The following YTHDC2 variants were observed in gnomAD, a reference collection of about 807,000 sequenced individuals.
The protein encoded by YTHDC2 is YTH N6-methyladenosine RNA binding protein C2, also known as 3'-5' RNA helicase YTHDC2.
In YTHDC2, 45 loss-of-function variants were observed where a neutral mutation model predicts 174.9. The ratio of observed to expected loss-of-function variants is 0.26; its 90% CI spans 0.20 to 0.33. The LOEUF is 0.33. Among genes scored for constraint, YTHDC2 ranks in the 10% least tolerant of loss-of-function variants. The probability of loss-of-function intolerance (pLI) is 1.00; values close to 1 mark genes in which losing one functional copy is unlikely to be tolerated. For synonymous variants in YTHDC2, 657 were observed against 574.5 expected, an observed-to-expected ratio of 1.14 and a Z score of -2.05; for missense variants, 1,650 against 1,723.7, an observed-to-expected ratio of 0.96 and a Z score of 0.76.
chr5:113,575,784 T>G (rs1044762391), intron 23 of YTHDC2, among the ~76,000 whole-genome samples: 1 of 152,148 alleles, frequency 6.6e-6, no homozygotes, highest in Non-Finnish European at 1.5e-5. Flanking sequence ...GGGGATGAAT[T>G]ACAGGAGTAA....
intron 21 of YTHDC2, 108 bp downstream of exon 21, chr5:113,566,127 A>G: frequency 8.0e-7 from 1 of 1,255,294 alleles, no homozygotes; most frequent in South Asian, 1.8e-5. Flanking sequence ...TTATGACATT[A>G]TCATGTTGTG....
chr5:113,546,224 G>A (rs1775878960), intron 10 of YTHDC2, among the ~76,000 whole-genome samples: 1 of 152,116 alleles, frequency 6.6e-6, no homozygotes, highest in South Asian at 2.1e-4. Flanking sequence ...TATTTATGAT[G>A]CATTTTAAGT....
chr5:113,535,547 G>A, intron 6 of YTHDC2, 95 bp from the exon 7 acceptor site: 4 of 1,185,620 alleles, frequency 3.4e-6, no homozygotes, highest in Non-Finnish European at 4.6e-6. Flanking sequence ...CATTTAATTT[G>A]AATTAGTGTA....
intron 7 of YTHDC2, among the ~76,000 whole-genome samples, chr5:113,537,361 C>CTTT (rs139190695): frequency 5.6e-5 from 7 of 124,490 alleles, no homozygotes; most frequent in East Asian, 2.2e-4. Flanking sequence ...GGCTCTCTCT[C>CTTT]TTTTTTTTTT....
At chr5:113,515,407 C>T (rs1422399294) in intron 2 of YTHDC2, 45 bp downstream of exon 2, 2 of 1,507,448 alleles carry the variant, frequency 1.3e-6, no homozygotes, top group Non-Finnish European at 9.1e-7. Flanking sequence ...AGATTATTTG[C>T]CCAAAAAAGG....
intron 17 of YTHDC2, among the ~76,000 whole-genome samples, chr5:113,560,877 A>G (rs1304508143): frequency 1.3e-5 from 2 of 152,188 alleles, no homozygotes; most frequent in African/African-American, 4.8e-5. Flanking sequence ...TCCTTCATGA[A>G]TCTCACTGTC....
intron 23 of YTHDC2, among the ~76,000 whole-genome samples, chr5:113,574,855 A>G (rs1410824241): frequency 1.3e-5 from 2 of 152,170 alleles, no homozygotes; most frequent in South Asian, 4.1e-4. Context: ...AACACTCCAC[A>G]CAGATCTGTG....
chr5:113,571,088 C>T (rs949550935), intron 23 of YTHDC2, among the ~76,000 whole-genome samples: 1 of 152,118 alleles, frequency 6.6e-6, no homozygotes, highest in African/African-American at 2.4e-5. Flanking sequence ...CCTGCTTTTG[C>T]CCATTCAGTA....
intron 8 of YTHDC2, among the ~76,000 whole-genome samples, chr5:113,540,329 T>C (rs1775364126): frequency 6.6e-6 from 1 of 152,206 alleles, no homozygotes; most frequent in African/African-American, 2.4e-5. Context: ...ATAAAAATAC[T>C]CTTAATTCTG....
intron 23 of YTHDC2, among the ~76,000 whole-genome samples, chr5:113,573,149 G>A (rs991291521): frequency 2.0e-5 from 3 of 152,138 alleles, no homozygotes; most frequent in African/African-American, 4.8e-5. Context: ...AGGAGCTCTT[G>A]CAAGGCAGGC....
intron 8 of YTHDC2, among the ~76,000 whole-genome samples, chr5:113,540,692 T>C (rs550252012): frequency 3.1e-4 from 47 of 152,298 alleles, no homozygotes; most frequent in African/African-American, 1.1e-3. Flanking sequence ...CCACCAGGTC[T>C]TTCCCTCAAC....
intron 12 of YTHDC2, among the ~76,000 whole-genome samples, chr5:113,549,375 TAGA>T (rs1776098918): frequency 6.6e-6 from 1 of 152,146 alleles, no homozygotes; most frequent in Non-Finnish European, 1.5e-5. Context: ...GGGCAACTGA[TAGA>T]AGATGTTAAT....
intron 23 of YTHDC2, among the ~76,000 whole-genome samples, chr5:113,568,465 T>C (rs1777499899): frequency 6.9e-6 from 1 of 144,926 alleles, no homozygotes; most frequent in Non-Finnish European, 1.6e-5. Context: ...GATCATGACA[T>C]CATGTATCTA....
At chr5:113,558,004 A>G (rs879449495) in intron 17 of YTHDC2, among the ~76,000 whole-genome samples, 2 of 152,210 alleles carry the variant, frequency 1.3e-5, no homozygotes, top group African/African-American at 4.8e-5. Context: ...TAAATTAAGC[A>G]ATTTTAATAC....
At chr5:113,516,977 A>G (rs1366071874) in intron 2 of YTHDC2, among the ~76,000 whole-genome samples, 2 of 152,194 alleles carry the variant, frequency 1.3e-5, no homozygotes, top group African/African-American at 4.8e-5. Context: ...AGGTAGGTAA[A>G]AATACTGCAC....
At chr5:113,588,909 G>A (rs1481372297) in intron 26 of YTHDC2, among the ~76,000 whole-genome samples, 2 of 152,034 alleles carry the variant, frequency 1.3e-5, no homozygotes, top group South Asian at 2.1e-4. Context: ...GCACGCGTGA[G>A]CCACCATGCC....
At chr5:113,558,747 C>A (rs1305187860) in intron 17 of YTHDC2, among the ~76,000 whole-genome samples, 1 of 151,786 alleles carries the variant, frequency 6.6e-6, no homozygotes, top group Non-Finnish European at 1.5e-5. Flanking sequence ...CATGGTGAAA[C>A]CCTGTCTCTA....
At position 113,526,595 on chromosome 5, in the gene YTHDC2, A is replaced by G; in HGVS notation, c.485A>G (p.Glu162Gly). 6.5e-7 allele frequency: 1 copy of G among 1,542,048 alleles called. No homozygotes were observed. The highest frequency in any genetic ancestry group is 1.9e-5 in the Admixed American group (1 of 53,676). ...NVFAVEAENR[E>G]MSKTSGRLNN... is the part of the protein sequence containing the mutation. The stretch of plus-strand genomic sequence containing the variant: ...TTATTCATTTTCAAAGAAAACCGGG[A>G]AATGAGCAAGACAAGTGGGCGACTC... The change falls in exon 4 of 30, where the codon GAA becomes GGA. Residue 162 changes from glutamate (E) to glycine (G), a missense_variant. Physicochemically the swap from Glu to Gly is moderately conservative, Grantham distance 98 (BLOSUM62 -2). This residue lies in a region of YTHDC2 where 304 missense variants were observed against 341.4 expected (regional missense o/e 0.89). Transcript: ENST00000161863.
chr5:113,525,495 C>G (rs964857798), intron 3 of YTHDC2, among the ~76,000 whole-genome samples: 3 of 151,892 alleles, frequency 2.0e-5, no homozygotes, highest in African/African-American at 7.3e-5. Context: ...TAAGAATTTC[C>G]CCTATTTCAC....
Sources: allele counts gnomAD v4.1 joint callset (sites outside exome capture counted in the v4.1 genomes callset), GRCh38; gene constraint gnomAD v4.1.1; regional missense constraint gnomAD v4.1.1; transcripts MANE v1.5; gene names NCBI Gene and HGNC (gene_info 2026-07-23, HGNC 2026-07-21).